RANBP2: variants seen among roughly 807,000 people sequenced by gnomAD.
The protein encoded by RANBP2 is E3 SUMO-protein ligase RanBP2.
A neutral mutation model predicts 303.6 loss-of-function variants in RANBP2; 57 were observed. The ratio of observed to expected loss-of-function variants is 0.19; its 90% CI spans 0.15 to 0.23. The LOEUF is 0.23. Ranked by LOEUF, RANBP2 falls within the 10% of genes least tolerant of loss-of-function variation. The pLI is 1.00. For synonymous variants in RANBP2, 1,167 were observed against 1,301.5 expected (o/e 0.90, Z 2.23); for missense variants, 3,138 against 3,780.8 (o/e 0.83, Z 4.46).
At chr2:108,731,265 T>G in intron 3 of RANBP2, 57 bp from the exon 4 acceptor site, 1 of 1,581,800 alleles carries the variant, frequency 6.3e-7, no homozygotes, top group Non-Finnish European at 8.6e-7. Flanking sequence ...GTATATATAC[T>G]CCTACATACA....
chr2:109,459,492 C>G, the RANBP2 span, among the ~76,000 whole-genome samples: 1 of 152,208 alleles, frequency 6.6e-6, no homozygotes, highest in African/African-American at 2.4e-5. Context: ...TATAGTTTTC[C>G]ATTGACCTCA....
At chr2:109,643,836 C>A in the RANBP2 span, among the ~76,000 whole-genome samples, 1 of 151,364 alleles carries the variant, frequency 6.6e-6, no homozygotes, top group African/African-American at 2.4e-5. Context: ...AATAATAGAA[C>A]TCTGGGCTGG....
At chr2:108,812,846 G>A in the RANBP2 span, 55 of 1,613,076 alleles carry the variant, frequency 3.4e-5, no homozygotes, top group Admixed American at 1.3e-4. Context: ...TGACAATACA[G>A]AGATTGAAAG....
the RANBP2 span, among the ~76,000 whole-genome samples, chr2:108,862,796 TG>T: frequency 6.6e-6 from 1 of 152,136 alleles, no homozygotes; most frequent in Non-Finnish European, 1.5e-5. Context: ...GGCCACCTTT[TG>T]TTTTTTTTTA....
At chr2:109,715,523 G>A in the RANBP2 span, among the ~76,000 whole-genome samples, 2,468 of 152,274 alleles carry the variant, frequency 0.016, 29 homozygotes, top group Non-Finnish European at 0.026. Flanking sequence ...CACCAGGCAA[G>A]GTGTGAGGAA....
At chr2:109,064,455 C>CAAAAAAA in the RANBP2 span, among the ~76,000 whole-genome samples, 150 of 64,854 alleles carry the variant, frequency 2.3e-3, 2 homozygotes, top group Non-Finnish European at 3.0e-3. Flanking sequence ...GACTCTGTCT[C>CAAAAAAA]AAAAAAAAAA....
At chr2:109,713,856 C>T in the RANBP2 span, among the ~76,000 whole-genome samples, 1 of 152,216 alleles carries the variant, frequency 6.6e-6, no homozygotes, top group African/African-American at 2.4e-5. Flanking sequence ...TTTTGCTACT[C>T]TTACACTCAA....
the RANBP2 span, chr2:108,804,947 C>G: frequency 1.3e-6 from 2 of 1,574,480 alleles, no homozygotes; most frequent in East Asian, 4.6e-5. Context: ...AATAAAGAAA[C>G]CAAGAGACTG....
the RANBP2 span, among the ~76,000 whole-genome samples, chr2:108,987,268 C>G: frequency 6.6e-6 from 1 of 152,210 alleles, no homozygotes; most frequent in Non-Finnish European, 1.5e-5. Flanking sequence ...GTCAGGTAAC[C>G]CAGCTTCCAT....
the RANBP2 span, among the ~76,000 whole-genome samples, chr2:109,428,171 A>C: frequency 1.3e-5 from 2 of 152,214 alleles, no homozygotes; most frequent in African/African-American, 2.4e-5. Context: ...CCTGGGAGAA[A>C]AGTAGAAGTG....
chr2:109,024,227 C>A, the RANBP2 span, among the ~76,000 whole-genome samples: 4 of 152,146 alleles, frequency 2.6e-5, no homozygotes, highest in Admixed American at 6.5e-5. Context: ...GTCTGGCCCA[C>A]CTGCTTTTAT....
chr2:109,036,850 A>C, the RANBP2 span, among the ~76,000 whole-genome samples: 1 of 152,174 alleles, frequency 6.6e-6, no homozygotes, highest in Admixed American at 6.6e-5. Flanking sequence ...TCTTCAAAAA[A>C]TACAAAAATC....
the RANBP2 span, among the ~76,000 whole-genome samples, chr2:109,736,767 G>T: frequency 6.6e-6 from 1 of 152,052 alleles, no homozygotes; most frequent in Non-Finnish European, 1.5e-5. Context: ...AATGAGAGGA[G>T]CCCACTTGTA....
the RANBP2 span, among the ~76,000 whole-genome samples, chr2:109,405,763 G>A: frequency 0.57 from 86,028 of 152,050 alleles, 24,927 homozygotes; most frequent in African/African-American, 0.66. Flanking sequence ...AGGACTTCCA[G>A]TGTGCCCATG....
the RANBP2 span, among the ~76,000 whole-genome samples, chr2:109,541,452 C>T: frequency 1.1e-3 from 162 of 152,182 alleles, no homozygotes; most frequent in Non-Finnish European, 1.9e-3. Flanking sequence ...TGGCCTGCCC[C>T]GGCCCAGCTC....
At chr2:108,847,669 G>C in the RANBP2 span, among the ~76,000 whole-genome samples, 1 of 152,148 alleles carries the variant, frequency 6.6e-6, no homozygotes, top group Non-Finnish European at 1.5e-5. Context: ...AGTGTAGTCA[G>C]GCAATAAATA....
At chr2:109,555,784 G>A in the RANBP2 span, among the ~76,000 whole-genome samples, 1 of 152,146 alleles carries the variant, frequency 6.6e-6, no homozygotes, top group African/African-American at 2.4e-5. Context: ...AGCTTGGGGC[G>A]GCTGCCTTTG....
the RANBP2 span, chr2:109,129,932 C>A: frequency 6.7e-7 from 1 of 1,481,798 alleles, no homozygotes. Context: ...GGCACCAGCC[C>A]CGGCGGCAGC....
the RANBP2 span, among the ~76,000 whole-genome samples, chr2:109,182,003 G>A: frequency 1.3e-5 from 2 of 152,122 alleles, no homozygotes; most frequent in Admixed American, 6.5e-5. Context: ...GGGAGGAGGA[G>A]CCTGATTTTG....
Sources: allele counts gnomAD v4.1 joint callset (sites outside exome capture counted in the v4.1 genomes callset), GRCh38; gene constraint gnomAD v4.1.1; transcripts MANE v1.5; gene names NCBI Gene and HGNC (gene_info 2026-07-23, HGNC 2026-07-21).